The following TBCCD1 variants were observed in gnomAD, a reference collection of about 807,000 sequenced individuals.
The protein encoded by TBCCD1 is TBCC domain containing 1.
TBCCD1 carries 26 observed loss-of-function variants against 53.4 expected under a neutral mutation model. The observed-to-expected ratio is 0.49, with a 90% confidence interval of 0.36 to 0.68. The LOEUF (loss-of-function observed/expected upper bound fraction) is 0.68, where lower values mean the gene tolerates loss of function less well. Ranked by LOEUF, TBCCD1 falls within the 30% of genes least tolerant of loss-of-function variation. The probability of loss-of-function intolerance (pLI) is 0.00; values close to 1 mark genes in which losing one functional copy is unlikely to be tolerated. For missense variants in TBCCD1, 558 were observed against 669.5 expected (o/e 0.83, Z 1.84); for synonymous variants, 245 against 241.7 (o/e 1.01, Z -0.13).
intron 1 of TBCCD1, among the ~76,000 whole-genome samples, chr3:186,565,256 G>A (rs1282476013): frequency 2.0e-5 from 3 of 151,670 alleles, no homozygotes; most frequent in African/African-American, 4.8e-5. Flanking sequence ...GACTACAGGC[G>A]TCCACCACCA....
intron 1 of TBCCD1, among the ~76,000 whole-genome samples, chr3:186,565,137 G>A (rs568198764): frequency 7.5e-6 from 1 of 133,330 alleles, no homozygotes; most frequent in Non-Finnish European, 1.5e-5. Flanking sequence ...TTGAGATGGA[G>A]TTTCCCTCTG....
chr3:186,550,278 T>C (rs956721834), intron 7 of TBCCD1, among the ~76,000 whole-genome samples: 47 of 150,022 alleles, frequency 3.1e-4, no homozygotes, highest in African/African-American at 1.1e-3. Context: ...CTAATCTCTA[T>C]TAAAAAAGAA....
chr3:186,568,184 G>A (rs1254272802), upstream of TBCCD1, among the ~76,000 whole-genome samples: 1 of 152,176 alleles, frequency 6.6e-6, no homozygotes, highest in African/African-American at 2.4e-5. Flanking sequence ...TTAGCTCAGT[G>A]ACCCTGCTGT....
chr3:186,559,425 A>C (rs1354932497), intron 2 of TBCCD1, among the ~76,000 whole-genome samples: 1 of 152,164 alleles, frequency 6.6e-6, no homozygotes, highest in Non-Finnish European at 1.5e-5. Flanking sequence ...TTAAAGACAA[A>C]AACACTGTTG....
Position 186,546,148 on chromosome 3 carries a change from AC to A in TBCCD1, c.*828del, listed in dbSNP as rs1714194136. On this transcript the variant is annotated 3_prime_UTR_variant, in exon 8 of 8. Transcript: ENST00000338733. The stretch of plus-strand genomic sequence containing the variant: ...TTTAAACAATTTCATTAAGTTCCAT[AC>A]TTTAAGGACTAAAATATAGTATAAA... 6.6e-6 allele frequency: 1 copy of A among 152,238 alleles called. No homozygotes were observed. The highest frequency in any genetic ancestry group is 6.5e-5 in the Admixed American group (1 of 15,284). 9.4% of individuals were successfully genotyped at this position (152,238 alleles called of 1,614,324 possible).
rs553812036 is a variant in TBCCD1, at chr3:186,567,063, G to A, written c.-44+204C>T. 1.5e-3 allele frequency among the ~76,000 whole-genome samples: 224 copies of A among 152,322 alleles called. 1 individual carries two copies. The highest frequency in any genetic ancestry group is 5.2e-3 in the African/African-American group (215 of 41,576). ...TCCAAGGCGGCTGTCCTGGGGCTTC[G>A]CCGCCACCTTGGACGCGATCCGGGG... On this transcript the variant is annotated intron_variant, in intron 1 of 7. Transcript: ENST00000338733.
At chr3:186,567,716 TG>T (rs1159918548), upstream of TBCCD1, 1 of 152,272 alleles carries the variant, frequency 6.6e-6, no homozygotes, top group African/African-American at 2.4e-5. Context: ...TCCTAAGTCT[TG>T]TCAAGAGCCC....
chr3:186,561,827 A>C (rs1714699141), intron 2 of TBCCD1, among the ~76,000 whole-genome samples: 1 of 152,212 alleles, frequency 6.6e-6, no homozygotes, highest in Non-Finnish European at 1.5e-5. Context: ...GTTTCTCAAA[A>C]AATAAAAAAG....
In TBCCD1 at chr3:186,551,290, G is replaced by C. The variant is rs769900124; in HGVS notation, c.1545-11C>G. 1.2e-6 allele frequency: 2 copies of C among 1,607,942 alleles called. No homozygotes were observed. Among genetic ancestry groups the C allele is most frequent in the African/African-American group, 1.3e-5 (1 of 74,482 alleles). On this transcript the variant is annotated splice_polypyrimidine_tract_variant and intron_variant, in intron 6 of 7. Transcript: ENST00000338733. ...TGCTTCCTTTGATCCCTAAAATTGC[G>C]ATTATGAGTAAAAAGAATATAAGAA...
At chr3:186,568,671 C>T (rs968673060), upstream of TBCCD1, among the ~76,000 whole-genome samples, 3 of 151,894 alleles carry the variant, frequency 2.0e-5, no homozygotes, top group Admixed American at 1.3e-4. Context: ...GAGGCTGAGG[C>T]GGGTGGATCA....
chr3:186,556,188 A>G (rs553065405), intron 4 of TBCCD1, among the ~76,000 whole-genome samples: 6 of 152,376 alleles, frequency 3.9e-5, no homozygotes, highest in African/African-American at 1.4e-4. Flanking sequence ...ACAGTAAAAG[A>G]AGATAAAAAT....
rs182669464 is a variant in TBCCD1 at position 186,560,645 on chromosome 3, C to T, written c.337-2073G>A. Among the ~76,000 whole-genome samples, 3 of 152,324 alleles carry T rather than the reference C, an allele frequency of 2.0e-5. No homozygotes were observed. In the East Asian group the frequency reaches 5.8e-4, roughly 29 times the overall value. On this transcript the variant is annotated intron_variant, in intron 2 of 7. Transcript: ENST00000338733. ...ATTTACTATTGCTCACTTTCAAATT[C>T]TCTAAGAGGCTTATACAGCCCTACC...
At chr3:186,563,001 A>C (rs907261032) in intron 2 of TBCCD1, among the ~76,000 whole-genome samples, 23 of 152,236 alleles carry the variant, frequency 1.5e-4, no homozygotes, top group African/African-American at 3.9e-4. Context: ...CCACATGTAA[A>C]ATGGGCAAGA....
chr3:186,564,390 T>C lies in TBCCD1; in HGVS notation c.-43-18A>G, dbSNP rs1387659167. 35 of 1,471,152 alleles carry C rather than the reference T, an allele frequency of 2.4e-5. No homozygotes were observed. The highest frequency in any genetic ancestry group is 1.8e-4 in the Middle Eastern group (1 of 5,516). The allele number at this position is 1,471,152 out of a possible 1,614,324, so 91.1% of individuals were successfully genotyped here. A position where few individuals can be genotyped will look rare whatever the true frequency, so the allele number is the denominator to read the frequency against. On this transcript the variant is annotated intron_variant, in intron 1 of 7. Coordinates refer to ENST00000338733, the MANE Select transcript of TBCCD1 (RefSeq NM_018138.5). The stretch of plus-strand genomic sequence containing the variant: ...TTGCATACCTAGGAAACAAAGTTTC[T>C]TCATAAACTGATTTGAAACAAGTCT...
intron 1 of TBCCD1, among the ~76,000 whole-genome samples, chr3:186,566,368 T>A (rs1422017146): frequency 2.0e-5 from 3 of 152,204 alleles, no homozygotes; most frequent in African/African-American, 2.4e-5. Flanking sequence ...TCGAGAATCA[T>A]CTGTTCGGAA....
chr3:186,550,227 CAA>C (rs1313844798), intron 7 of TBCCD1, among the ~76,000 whole-genome samples: 3,863 of 72,278 alleles, frequency 0.053, 43 homozygotes, highest in African/African-American at 0.068. Context: ...GACTCTGCCT[CAA>C]AAAAAAAAAA....
Position 186,558,575 on chromosome 3 carries a change from G to A in TBCCD1, c.337-3C>T. On this transcript the variant is annotated splice_polypyrimidine_tract_variant and splice_region_variant and intron_variant, in intron 2 of 7. Coordinates refer to ENST00000338733, the MANE Select transcript of TBCCD1 (RefSeq NM_018138.5). ...AACTGTAGCGTGTCCACTGAAAGCTGTCCAAGAAGAAAATAAAAGATGAAT... is the reference window on the plus strand; with the variant it reads ...AACTGTAGCGTGTCCACTGAAAGCTATCCAAGAAGAAAATAAAAGATGAAT... 1 of 1,611,374 alleles carries A rather than the reference G, an allele frequency of 6.2e-7. No individual in the cohort carries two copies. Among genetic ancestry groups the A allele is most frequent in the South Asian group, 1.1e-5 (1 of 90,408 alleles).
In TBCCD1 at chr3:186,567,292, G is replaced by C. The variant is rs1714864238; in HGVS notation, c.-69C>G. 1 of 152,974 alleles carries C rather than the reference G, an allele frequency of 6.5e-6. No individual in the cohort carries two copies. Among genetic ancestry groups the C allele is most frequent in the Admixed American group, 6.5e-5 (1 of 15,268 alleles). The allele number at this position is 152,974 out of a possible 1,614,324, so 9.5% of individuals were successfully genotyped here. On this transcript the variant is annotated 5_prime_UTR_variant, in exon 1 of 8. Coordinates refer to ENST00000338733, the MANE Select transcript of TBCCD1 (RefSeq NM_018138.5). ...CTGCTAATGCAGGCGCCGCTCCGCC[G>C]CACTTCTCCGCGCGCCGCCGCGCCC...
Position 186,564,073 on chromosome 3 carries a change from G to A in TBCCD1, c.257C>T (p.Thr86Ile). The A allele has an allele frequency of 6.2e-7, 1 of 1,614,198 alleles. No homozygotes were observed. Residue 86 changes from threonine to isoleucine, a missense_variant, in exon 2 of 8, where the codon ACA becomes ATA. Transcript: ENST00000338733. ...FEIFDSLSMK[T>I]PEERLEWSEV... ...AGACCATTCCAGGCGCTCCTCAGGT[G>A]TCTTCATTGAAAGACTATCAAATAT...
Sources: gnomAD v4.1 joint callset for allele counts (sites outside exome capture counted in the v4.1 genomes callset) on GRCh38, gnomAD v4.1.1 for gene constraint, MANE v1.5 for transcripts, NCBI Gene and HGNC (gene_info 2026-07-23, HGNC 2026-07-21) for gene names.